Variants in PALM2AKAP2 observed in about 807,000 individuals in gnomAD.
The protein encoded by PALM2AKAP2 is PALM2 and AKAP2 fusion.
PALM2AKAP2 carries 37 observed loss-of-function variants against 71.5 expected under a neutral mutation model. The ratio of observed to expected loss-of-function variants is 0.52; its 90% CI spans 0.40 to 0.68. The LOEUF (loss-of-function observed/expected upper bound fraction) is 0.68. PALM2AKAP2 is among the 30% of genes least tolerant of loss of function. The pLI is 0.00. For missense variants in PALM2AKAP2, 1,224 were observed against 1,191.8 expected (o/e 1.03, Z -0.40); for synonymous variants, 468 against 478.8 (o/e 0.98, Z 0.29).
intron 6 of PALM2AKAP2, among the ~76,000 whole-genome samples, chr9:109,968,494 T>C (rs72754918): frequency 0.13 from 19,292 of 152,200 alleles, 1,604 homozygotes; most frequent in East Asian, 0.25. Context: ...CGTCTAGCTA[T>C]ATCATCAACA....
At chr9:109,859,756 T>C (rs1371414744) in intron 1 of PALM2AKAP2, among the ~76,000 whole-genome samples, 1 of 152,228 alleles carries the variant, frequency 6.6e-6, no homozygotes, top group African/African-American at 2.4e-5. Context: ...CCTGGTGATG[T>C]TGCGGGTTAA....
At chr9:109,781,356 C>T (rs1243242689) in intron 1 of PALM2AKAP2, among the ~76,000 whole-genome samples, 1 of 152,070 alleles carries the variant, frequency 6.6e-6, no homozygotes, top group Non-Finnish European at 1.5e-5. Flanking sequence ...ATATTTCCTT[C>T]GAGGATGAGG....
At chr9:109,936,939 A>G (rs749255073) in intron 6 of PALM2AKAP2, among the ~76,000 whole-genome samples, 2 of 152,210 alleles carry the variant, frequency 1.3e-5, no homozygotes. Flanking sequence ...GCCTGAATCA[A>G]TGATTGAACT....
chr9:109,988,052 G>T (rs1832412298), intron 6 of PALM2AKAP2, among the ~76,000 whole-genome samples: 1 of 152,168 alleles, frequency 6.6e-6, no homozygotes, highest in South Asian at 2.1e-4. Flanking sequence ...CAGAGTAAGG[G>T]TGCTTTCTGC....
chr9:110,062,342 T>G (rs767783998), intron 1 of PALM2AKAP2, among the ~76,000 whole-genome samples: 2 of 152,022 alleles, frequency 1.3e-5, no homozygotes, highest in Non-Finnish European at 2.9e-5. Flanking sequence ...GAACATGTGG[T>G]GTTTGGTTTT....
chr9:110,113,188 A>G (rs1046969990), intron 1 of PALM2AKAP2, among the ~76,000 whole-genome samples: 1 of 149,058 alleles, frequency 6.7e-6, no homozygotes, highest in Non-Finnish European at 1.5e-5. Context: ...TTTTATCTAC[A>G]GGTTTTTATT....
intron 1 of PALM2AKAP2, 105 bp from the exon 2 acceptor site, chr9:109,867,386 A>G: frequency 7.6e-7 from 1 of 1,311,800 alleles, no homozygotes. Context: ...GTGTCTCTGG[A>G]AGTGTCTATA....
At chr9:110,145,774 G>T (rs1395945167) in intron 2 of PALM2AKAP2, among the ~76,000 whole-genome samples, 1 of 119,974 alleles carries the variant, frequency 8.3e-6, no homozygotes, top group South Asian at 2.3e-4. Flanking sequence ...GGGTGAAGGT[G>T]TGCAATGAAA....
intron 6 of PALM2AKAP2, among the ~76,000 whole-genome samples, chr9:109,951,704 G>T (rs1296713547): frequency 1.3e-5 from 2 of 152,184 alleles, no homozygotes; most frequent in African/African-American, 4.8e-5. Flanking sequence ...GGGCCCAGTA[G>T]CATGCATTTG....
At chr9:110,138,241 G>A (rs771259884) in exon 2 of PALM2AKAP2, 28 of 1,614,032 alleles carry the variant, frequency 1.7e-5, no homozygotes, top group South Asian at 8.8e-5. Context: ...CCAGTGGCCC[G>A]ATTAACATGG....
intron 1 of PALM2AKAP2, among the ~76,000 whole-genome samples, chr9:109,848,148 C>G (rs1251881561): frequency 6.6e-6 from 1 of 152,184 alleles, no homozygotes; most frequent in Non-Finnish European, 1.5e-5. Flanking sequence ...CTGAAAGGCC[C>G]CTATATTGAT....
At chr9:110,145,545 T>C (rs1836142892) in intron 2 of PALM2AKAP2, among the ~76,000 whole-genome samples, 1 of 152,154 alleles carries the variant, frequency 6.6e-6, no homozygotes, top group Non-Finnish European at 1.5e-5. Flanking sequence ...ATTTTTGGTG[T>C]ACTAGGGTCA....
intron 2 of PALM2AKAP2, among the ~76,000 whole-genome samples, chr9:110,140,213 A>G (rs1161084503): frequency 2.0e-5 from 3 of 152,170 alleles, no homozygotes; most frequent in Non-Finnish European, 4.4e-5. Context: ...ATTATAATCC[A>G]TTTCTTTTAT....
chr9:109,757,308 T>A (rs1192434100), intron 1 of PALM2AKAP2, among the ~76,000 whole-genome samples: 1 of 152,196 alleles, frequency 6.6e-6, no homozygotes, highest in East Asian at 1.9e-4. Flanking sequence ...TGGCAAAGAA[T>A]ACTTTGTAAG....
chr9:109,666,470 G>T (rs2118474476), intron 1 of PALM2AKAP2, among the ~76,000 whole-genome samples: 1 of 152,336 alleles, frequency 6.6e-6, no homozygotes, highest in Middle Eastern at 3.4e-3. Flanking sequence ...CCAGGTGAAT[G>T]AATGAAAATG....
upstream of PALM2AKAP2, among the ~76,000 whole-genome samples, chr9:110,044,946 T>C (rs2132475840): frequency 6.6e-6 from 1 of 152,322 alleles, no homozygotes; most frequent in Non-Finnish European, 1.5e-5. Flanking sequence ...TAGTTCATTT[T>C]GCTCAGTTTG....
chr9:110,001,348 G>T (rs1444248373), intron 6 of PALM2AKAP2, among the ~76,000 whole-genome samples: 2 of 152,032 alleles, frequency 1.3e-5, no homozygotes, highest in Non-Finnish European at 2.9e-5. Context: ...ATTTCTGAGG[G>T]CTCTGTTCTG....
chr9:109,798,473 C>T (rs890690698), intron 1 of PALM2AKAP2, among the ~76,000 whole-genome samples: 1 of 152,188 alleles, frequency 6.6e-6, no homozygotes, highest in African/African-American at 2.4e-5. Flanking sequence ...CAAACCTCTG[C>T]CTTGTCTACA....
At chr9:109,728,958 G>T (rs1268275250) in intron 1 of PALM2AKAP2, among the ~76,000 whole-genome samples, 2 of 152,148 alleles carry the variant, frequency 1.3e-5, no homozygotes, top group Non-Finnish European at 2.9e-5. Flanking sequence ...AATAATATAT[G>T]TGCTGAGAAA....
Sources: allele counts gnomAD v4.1 joint callset (sites outside exome capture counted in the v4.1 genomes callset), GRCh38; gene constraint gnomAD v4.1.1; transcripts MANE v1.5; gene names NCBI Gene and HGNC (gene_info 2026-07-23, HGNC 2026-07-21).